Variants in ZNF605 observed in about 807,000 individuals in gnomAD.
The protein encoded by ZNF605 is zinc finger protein 605.
Under a neutral mutation model 7.9 loss-of-function variants are expected in ZNF605, and 9 were observed. The ratio of observed to expected loss-of-function variants is 1.14; its 90% confidence interval spans 0.68 to 1.98. The LOEUF is 1.98. Among genes scored for constraint, ZNF605 ranks in the 30% most tolerant of loss-of-function variants. The probability of loss-of-function intolerance (pLI) is 0.00; values close to 1 mark genes in which losing one functional copy is unlikely to be tolerated. For synonymous variants in ZNF605, 255 were observed against 260.1 expected (o/e 0.98, Z 0.19); for missense variants, 673 against 762.4 (o/e 0.88, Z 1.38).
intron 3 of ZNF605, 66 bp downstream of exon 3, chr12:132,945,555 G>A (rs1952486673): frequency 1.6e-6 from 1 of 611,950 alleles, no homozygotes; most frequent in Non-Finnish European, 2.9e-6. Flanking sequence ...TGAAACAGAG[G>A]ATAAACCGAT....
At chr12:132,944,768 A>G (rs1952480715) in intron 3 of ZNF605, 1 of 152,932 alleles carries the variant, frequency 6.5e-6, no homozygotes, top group East Asian at 1.9e-4. Context: ...TCTTACCACT[A>G]TGCCATGTAT....
At chr12:132,947,574 A>G (rs1181931725) in intron 2 of ZNF605, among the ~76,000 whole-genome samples, 1 of 152,098 alleles carries the variant, frequency 6.6e-6, no homozygotes, top group African/African-American at 2.4e-5. Context: ...TGGCCTTCCA[A>G]AGTGCTGGGA....
intron 3 of ZNF605, among the ~76,000 whole-genome samples, chr12:132,939,829 T>TC (rs1391235169): frequency 2.7e-5 from 4 of 150,376 alleles, no homozygotes; most frequent in African/African-American, 7.5e-5. Flanking sequence ...ACCGCGAAGA[T>TC]CTGCAGCTTC....
chr12:132,926,836 C>G lies in ZNF605; in HGVS notation c.463G>C (p.Glu155Gln), dbSNP rs1952252943. 2.5e-5 allele frequency: 40 copies of G among 1,614,058 alleles called. No homozygotes were observed. Among genetic ancestry groups the G allele is most frequent in the Non-Finnish European group, 3.4e-5 (40 of 1,180,044 alleles). The change falls in exon 5 of 5, where the codon GAG (glutamate) becomes CAG (glutamine). Residue 155 changes from glutamate to glutamine, a missense_variant. Transcript: ENST00000360187. ...ATGTGATTAGCAGTGAGCCATGGCT[C>G]TTCGTTGCTGGATTTTCTACATGTA... The part of the protein sequence containing the change: ...CSTCRKSSNE[E>Q]PWLTANHITH...
Position 132,933,236 on chromosome 12 carries a change from G to T in ZNF605, c.16-81C>A. On this transcript the variant is annotated intron_variant, in intron 3 of 4. Transcript: ENST00000360187. The surrounding 1 kb of genome is among the most constrained non-coding windows in gnomAD (Gnocchi z 4.4). ...ATACTTTCTTCTGTATTTGTGGTAG[G>T]TGGCCTCTAAGATGGCCCCAGTGAC... 6.7e-7 allele frequency: 1 copy of T among 1,492,808 alleles called. No homozygotes were observed. The allele number at this position is 1,492,808 out of a possible 1,614,324, so 92.5% of individuals were successfully genotyped here.
At chr12:132,945,053 T>A in intron 3 of ZNF605, 1 of 285,336 alleles carries the variant, frequency 3.5e-6, no homozygotes, top group Non-Finnish European at 6.7e-6. Flanking sequence ...ACTGATGCGA[T>A]CTCAGCTCAC....
intron 3 of ZNF605, among the ~76,000 whole-genome samples, chr12:132,940,977 A>G (rs1226699049): frequency 6.6e-6 from 1 of 152,030 alleles, no homozygotes; most frequent in Admixed American, 6.6e-5. Context: ...CCACTTATAA[A>G]TAAGAACAGA....
chr12:132,953,870 T>C (rs1036326257), intron 1 of ZNF605, among the ~76,000 whole-genome samples: 1 of 152,052 alleles, frequency 6.6e-6, no homozygotes, highest in Admixed American at 6.6e-5. Context: ...CTTGCACGCA[T>C]ACTTGGCATT....
At chr12:132,951,746 A>G (rs1175428550) in intron 1 of ZNF605, among the ~76,000 whole-genome samples, 1 of 151,958 alleles carries the variant, frequency 6.6e-6, no homozygotes, top group Non-Finnish European at 1.5e-5. Context: ...ACACATACAC[A>G]TGTACAACAC....
chr12:132,929,684 C>T (rs1383954092), intron 4 of ZNF605, among the ~76,000 whole-genome samples: 1 of 152,094 alleles, frequency 6.6e-6, no homozygotes, highest in Non-Finnish European at 1.5e-5. Flanking sequence ...CGGTGGCTCA[C>T]GTCTGTAATC....
chr12:132,952,754 T>C (rs1952585794), intron 1 of ZNF605, among the ~76,000 whole-genome samples: 1 of 151,674 alleles, frequency 6.6e-6, no homozygotes, highest in African/African-American at 2.4e-5. Context: ...TGAGAACTTT[T>C]AAAAAAGGAA....
At chr12:132,946,430 G>A (rs1272794596) in intron 2 of ZNF605, among the ~76,000 whole-genome samples, 1 of 152,242 alleles carries the variant, frequency 6.6e-6, no homozygotes, top group South Asian at 2.1e-4. Context: ...CCTGGCTGCA[G>A]CCTACAGCAG....
chr12:132,927,199 C>A, intron 4 of ZNF605, 37 bp from the exon 5 acceptor site: 1 of 1,430,440 alleles, frequency 7.0e-7, no homozygotes, highest in South Asian at 1.4e-5. Context: ...CTGTGTAATT[C>A]CTTCAATTAT....
chr12:132,929,269 T>C (rs1952281245), intron 4 of ZNF605, among the ~76,000 whole-genome samples: 1 of 151,604 alleles, frequency 6.6e-6, no homozygotes, highest in Non-Finnish European at 1.5e-5. Flanking sequence ...TAGCCAGGTG[T>C]GGTGGTGCAC....
intron 3 of ZNF605, among the ~76,000 whole-genome samples, chr12:132,934,178 C>G (rs1952335585): frequency 6.6e-6 from 1 of 152,060 alleles, no homozygotes; most frequent in Non-Finnish European, 1.5e-5. Flanking sequence ...ACCAGGGAGG[C>G]TGAGGCAGGA....
In ZNF605 at chr12:132,925,460, T is replaced by C; in HGVS notation, c.1839A>G (p.Gly613=). ...ACTCATTGCATCCATAGTATTTATC[T>C]CCTGTATGAATCCTCTGATGCCTCA... ...HLMRHQRIHT[G]DKYYGCNECG... Residue 613 remains glycine (G), a synonymous_variant, in exon 5 of 5, where the codon GGA becomes GGG. Coordinates refer to ENST00000360187, the MANE Select transcript of ZNF605 (RefSeq NM_183238.4). 2 of 1,614,182 alleles carry C rather than the reference T, an allele frequency of 1.2e-6. No homozygotes were observed. Among genetic ancestry groups the C allele is most frequent in the Non-Finnish European group, 1.7e-6 (2 of 1,180,010 alleles).
At chr12:132,942,365 C>T (rs909918247) in intron 3 of ZNF605, among the ~76,000 whole-genome samples, 36 of 152,318 alleles carry the variant, frequency 2.4e-4, no homozygotes, top group Non-Finnish European at 4.4e-4. Context: ...GGCTTCCTCA[C>T]GGTGCTGACG....
chr12:132,956,093 C>T (rs1402026252), intron 1 of ZNF605, 150 bp downstream of exon 1: 4 of 151,624 alleles, frequency 2.6e-5, no homozygotes, highest in African/African-American at 4.8e-5. Context: ...GTCCGCAGGC[C>T]TTTCTCGCCC....
At chr12:132,947,064 G>C (rs1276845082) in intron 2 of ZNF605, among the ~76,000 whole-genome samples, 3 of 151,952 alleles carry the variant, frequency 2.0e-5, no homozygotes, top group Admixed American at 2.0e-4. Flanking sequence ...CCAGGCTGGA[G>C]TGCAATGGCA....
Sources: allele counts gnomAD v4.1 joint callset (sites outside exome capture counted in the v4.1 genomes callset), GRCh38; gene constraint gnomAD v4.1.1; non-coding constraint Gnocchi (gnomAD v3.1); transcripts MANE v1.5; gene names NCBI Gene and HGNC (gene_info 2026-07-23, HGNC 2026-07-21).